The following PLD5 variants were observed in gnomAD, a reference collection of about 807,000 sequenced individuals.
PLD5 encodes inactive phospholipase D5.
In PLD5, 36 loss-of-function variants were observed where a neutral mutation model predicts 61.1. The observed-to-expected ratio is 0.59, with a 90% CI of 0.45 to 0.78. The LOEUF (loss-of-function observed/expected upper bound fraction) is 0.78. Among genes scored for constraint, PLD5 ranks in the 30% least tolerant of loss-of-function variants. The pLI is 0.00. For missense variants in PLD5, 515 were observed against 644.4 expected (o/e 0.80, Z 2.17); for synonymous variants, 243 against 242.8 (o/e 1.00, Z -0.01).
intron 2 of PLD5, among the ~76,000 whole-genome samples, chr1:242,337,134 C>A (rs1403203870): frequency 6.6e-6 from 1 of 151,642 alleles, no homozygotes; most frequent in South Asian, 2.1e-4. Context: ...TGCTGCCCAG[C>A]GAGGGCCAGG....
At chr1:242,495,847 C>T (rs2102983920) in intron 1 of PLD5, among the ~76,000 whole-genome samples, 1 of 152,332 alleles carries the variant, frequency 6.6e-6, no homozygotes, top group South Asian at 2.1e-4. Context: ...CATCTATCAT[C>T]AGACCCCCTA....
intron 5 of PLD5, among the ~76,000 whole-genome samples, chr1:242,207,991 TACAC>T (rs34110062): frequency 0.015 from 599 of 40,254 alleles, 143 homozygotes; most frequent in African/African-American, 0.08. Flanking sequence ...TATATATTTA[TACAC>T]ACACACACAC....
intron 1 of PLD5, among the ~76,000 whole-genome samples, chr1:242,433,695 T>C (rs1406016699): frequency 6.6e-6 from 1 of 152,176 alleles, no homozygotes; most frequent in Non-Finnish European, 1.5e-5. Context: ...ATATGTACTA[T>C]GTCCGATGGT....
chr1:242,360,814 C>A (rs1235458265), intron 1 of PLD5, among the ~76,000 whole-genome samples: 1 of 152,052 alleles, frequency 6.6e-6, no homozygotes, highest in Non-Finnish European at 1.5e-5. Context: ...AAACTTTTTT[C>A]ATTTTATCCA....
At chr1:242,419,412 G>T (rs1162962423) in intron 1 of PLD5, among the ~76,000 whole-genome samples, 2 of 148,944 alleles carry the variant, frequency 1.3e-5, no homozygotes, top group Non-Finnish European at 3.0e-5. Context: ...TTTTGGCGGG[G>T]GGAGACAGAG....
chr1:242,493,855 C>T (rs915139825), intron 1 of PLD5, among the ~76,000 whole-genome samples: 2 of 152,194 alleles, frequency 1.3e-5, no homozygotes, highest in Non-Finnish European at 2.9e-5. Flanking sequence ...AAATAATATG[C>T]ACAACCGCTT....
chr1:242,480,051 G>GGA (rs776700212), intron 1 of PLD5, among the ~76,000 whole-genome samples: 1 of 132,314 alleles, frequency 7.6e-6, no homozygotes, highest in Non-Finnish European at 1.6e-5. Flanking sequence ...CTCTGTCTCA[G>GGA]AAAAAAAAAA....
Position 242,256,130 on chromosome 1 carries a change from G to A in PLD5, c.607+9207C>T, listed in dbSNP as rs1225099243. Among the ~76,000 whole-genome samples the A allele has an allele frequency of 2.6e-5, 4 of 152,056 alleles. No individual in the cohort carries two copies. The highest frequency in any genetic ancestry group is 7.2e-5 in the African/African-American group (3 of 41,390). On this transcript the variant is annotated intron_variant, in intron 4 of 9. Transcript: ENST00000536534. The surrounding 1 kb of genome is among the most constrained non-coding windows in gnomAD (Gnocchi z 5.7). ...GGAAAGTTGGGGTCACTTTTAAACT[G>A]GGTGTCTGAGACAGTCACTCAGCAA...
intron 1 of PLD5, among the ~76,000 whole-genome samples, chr1:242,444,884 A>G (rs1666459500): frequency 6.6e-6 from 1 of 151,760 alleles, no homozygotes; most frequent in Non-Finnish European, 1.5e-5. Context: ...TAAAGAGATG[A>G]GACCTATAGC....
Position 242,487,702 on chromosome 1 carries a change from C to T in PLD5, c.189+36386G>A, listed in dbSNP as rs144636653. On this transcript the variant is annotated intron_variant, in intron 1 of 9. Transcript: ENST00000536534. ...ACTCCTAAAACTCAATGATAACAACCAACCAAATTTTAAAATGAGCAAAAG... is the reference window on the plus strand; with the variant it reads ...ACTCCTAAAACTCAATGATAACAACTAACCAAATTTTAAAATGAGCAAAAG... Among the ~76,000 whole-genome samples, 944 of 152,120 alleles carry T rather than the reference C, an allele frequency of 6.2e-3. 3 individuals are homozygous for T. The highest frequency in any genetic ancestry group is 0.01 in the Non-Finnish European group (693 of 67,976).
intron 3 of PLD5, among the ~76,000 whole-genome samples, chr1:242,286,753 A>G (rs1054592819): frequency 3.9e-5 from 6 of 152,152 alleles, no homozygotes; most frequent in African/African-American, 1.4e-4. Flanking sequence ...AAATCTGTAG[A>G]CTTTTCTCCT....
intron 1 of PLD5, among the ~76,000 whole-genome samples, chr1:242,355,758 C>A (rs1660718411): frequency 6.6e-6 from 1 of 152,092 alleles, no homozygotes; most frequent in African/African-American, 2.4e-5. Context: ...CTCAGAACTT[C>A]TCTTGCTGCA....
intron 2 of PLD5, among the ~76,000 whole-genome samples, chr1:242,319,860 T>C (rs1276705625): frequency 6.6e-6 from 1 of 152,240 alleles, no homozygotes; most frequent in Non-Finnish European, 1.5e-5. Flanking sequence ...ACATGTAAAA[T>C]GTAGATTCAG....
intron 1 of PLD5, among the ~76,000 whole-genome samples, chr1:242,424,510 T>C (rs1219734452): frequency 6.6e-6 from 1 of 151,892 alleles, no homozygotes; most frequent in Non-Finnish European, 1.5e-5. Flanking sequence ...CTTCTCCTTT[T>C]CCCAAACTTA....
intron 5 of PLD5, among the ~76,000 whole-genome samples, chr1:242,177,403 C>T (rs990349405): frequency 1.4e-4 from 21 of 152,056 alleles, no homozygotes; most frequent in African/African-American, 3.1e-4. Flanking sequence ...CAACACACAC[C>T]GGGGCCTGTT....
At chr1:242,236,551 C>CA (rs71984462) in intron 4 of PLD5, among the ~76,000 whole-genome samples, 18,683 of 150,422 alleles carry the variant, frequency 0.12, 1,280 homozygotes, top group Non-Finnish European at 0.16. Context: ...ATAAAAACAA[C>CA]AAAAAAAAAC....
intron 1 of PLD5, among the ~76,000 whole-genome samples, chr1:242,406,354 G>A (rs1026284794): frequency 7.2e-5 from 11 of 152,180 alleles, no homozygotes; most frequent in Admixed American, 1.3e-4. Context: ...TCTCCACTAA[G>A]AGAGCTAACA....
chr1:242,341,817 T>C (rs1197379196), intron 2 of PLD5, among the ~76,000 whole-genome samples: 3 of 143,022 alleles, frequency 2.1e-5, no homozygotes, highest in East Asian at 2.0e-4. Flanking sequence ...GAGATACAGA[T>C]AGATAGACTG....
At chr1:242,393,334 GTATA>G (rs1558523545) in intron 1 of PLD5, among the ~76,000 whole-genome samples, 1 of 348 alleles carries the variant, frequency 2.9e-3, no homozygotes, top group Non-Finnish European at 5.7e-3. Context: ...ATATATATGT[GTATA>G]TATATGAGTA....
Sources: allele counts gnomAD v4.1 joint callset (sites outside exome capture counted in the v4.1 genomes callset), GRCh38; gene constraint gnomAD v4.1.1; non-coding constraint Gnocchi (gnomAD v3.1); transcripts MANE v1.5; gene names NCBI Gene and HGNC (gene_info 2026-07-23, HGNC 2026-07-21).